Variants in CAST observed in about 807,000 individuals in gnomAD.
CAST encodes the protein MIR583 host.
Under a neutral mutation model 119.6 loss-of-function variants are expected in CAST, and 76 were observed. The observed-to-expected ratio is 0.64, with a 90% CI of 0.53 to 0.77. The LOEUF (loss-of-function observed/expected upper bound fraction) is 0.77. Among genes scored for constraint, CAST ranks in the 30% least tolerant of loss-of-function variants. The pLI is 0.00. For synonymous variants in CAST, 319 were observed against 331.6 expected, an observed-to-expected ratio of 0.96 and a Z score of 0.41; for missense variants, 953 against 946.5, an observed-to-expected ratio of 1.01 and a Z score of -0.09.
At chr5:96,712,478 G>T (rs1756367607) in intron 3 of CAST, among the ~76,000 whole-genome samples, 1 of 152,154 alleles carries the variant, frequency 6.6e-6, no homozygotes, top group African/African-American at 2.4e-5. Flanking sequence ...CCACAGGTGT[G>T]TGCTACCATA....
intron 1 of CAST, among the ~76,000 whole-genome samples, chr5:96,673,401 GAGC>G (rs1269394674): frequency 2.0e-5 from 3 of 152,208 alleles, no homozygotes; most frequent in Non-Finnish European, 4.4e-5. Flanking sequence ...CCAGCAGCAT[GAGC>G]AGCAAGCTTT....
At chr5:96,092,918 A>T in the CAST span, among the ~76,000 whole-genome samples, 1 of 152,202 alleles carries the variant, frequency 6.6e-6, no homozygotes, top group Non-Finnish European at 1.5e-5. Flanking sequence ...TTAGCGGCAG[A>T]GTGGGGCCTA....
chr5:96,355,908 G>A, the CAST span, among the ~76,000 whole-genome samples: 1 of 151,974 alleles, frequency 6.6e-6, no homozygotes, highest in African/African-American at 2.4e-5. Context: ...CACCATTTTG[G>A]CCAGGATGTT....
the CAST span, among the ~76,000 whole-genome samples, chr5:96,300,676 A>G: frequency 3.9e-5 from 6 of 152,102 alleles, no homozygotes; most frequent in African/African-American, 1.4e-4. Flanking sequence ...ATCCATAGAT[A>G]ACTTTGGATA....
the CAST span, among the ~76,000 whole-genome samples, chr5:95,993,282 T>C: frequency 2.6e-5 from 4 of 152,222 alleles, no homozygotes; most frequent in Non-Finnish European, 4.4e-5. Context: ...GGATTGTAAA[T>C]TTAAATGTAA....
At chr5:96,308,350 C>T in the CAST span, among the ~76,000 whole-genome samples, 8 of 151,956 alleles carry the variant, frequency 5.3e-5, no homozygotes, top group African/African-American at 1.9e-4. Flanking sequence ...GTTAGCAATA[C>T]ATCTAACCTT....
At chr5:96,465,702 G>A in the CAST span, among the ~76,000 whole-genome samples, 1 of 152,086 alleles carries the variant, frequency 6.6e-6, no homozygotes, top group Non-Finnish European at 1.5e-5. Context: ...TAGGTGTTTA[G>A]AGATATTCTT....
the CAST span, among the ~76,000 whole-genome samples, chr5:96,011,510 A>C: frequency 2.0e-5 from 3 of 152,176 alleles, no homozygotes; most frequent in Non-Finnish European, 4.4e-5. Context: ...TTATTAGCTC[A>C]ATCACAATTA....
chr5:96,488,721 T>C, the CAST span, among the ~76,000 whole-genome samples: 1 of 152,218 alleles, frequency 6.6e-6, no homozygotes, highest in Non-Finnish European at 1.5e-5. Context: ...GTGGTAATCA[T>C]TGTCTTTGAG....
the CAST span, chr5:96,433,215 C>A: frequency 4.5e-6 from 3 of 668,624 alleles, no homozygotes; most frequent in Admixed American, 2.2e-5. Context: ...CGGCGGCGAG[C>A]GCTCAGTGAA....
At chr5:96,182,783 T>A in the CAST span, among the ~76,000 whole-genome samples, 27 of 152,356 alleles carry the variant, frequency 1.8e-4, no homozygotes, top group East Asian at 4.2e-3. Context: ...CTAATTTTTT[T>A]ATTTTTTACT....
At chr5:96,472,265 A>C in the CAST span, among the ~76,000 whole-genome samples, 1 of 152,144 alleles carries the variant, frequency 6.6e-6, no homozygotes, top group Non-Finnish European at 1.5e-5. Context: ...CTATGACTAG[A>C]TTTAATCTGG....
the CAST span, among the ~76,000 whole-genome samples, chr5:96,255,073 C>A: frequency 6.6e-6 from 1 of 152,064 alleles, no homozygotes; most frequent in Admixed American, 6.6e-5. Flanking sequence ...AATTTATTTT[C>A]CTACCATAAG....
At chr5:96,429,134 T>A in the CAST span, 2 of 779,376 alleles carry the variant, frequency 2.6e-6, no homozygotes, top group Non-Finnish European at 2.2e-6. Context: ...ATTTGCAAAA[T>A]GCTTCTGTTT....
the CAST span, among the ~76,000 whole-genome samples, chr5:96,246,312 A>G: frequency 6.6e-6 from 1 of 151,000 alleles, no homozygotes; most frequent in Non-Finnish European, 1.5e-5. Flanking sequence ...CCTCCCGAGT[A>G]GCTGGGACTA....
intron 1 of CAST, among the ~76,000 whole-genome samples, chr5:96,633,062 C>T (rs1205400313): frequency 6.6e-6 from 1 of 152,138 alleles, no homozygotes; most frequent in Admixed American, 6.5e-5. Flanking sequence ...ACTTCTGCCA[C>T]CTGGGTTCAA....
the CAST span, among the ~76,000 whole-genome samples, chr5:96,361,766 G>GTATC: frequency 2.3e-5 from 2 of 88,716 alleles, no homozygotes; most frequent in African/African-American, 9.0e-5. Flanking sequence ...TGACAGGAGC[G>GTATC]ATTTGTCTTC....
chr5:96,532,564 A>G (rs1745708634), intron 1 of CAST, among the ~76,000 whole-genome samples: 1 of 152,126 alleles, frequency 6.6e-6, no homozygotes, highest in Non-Finnish European at 1.5e-5. Flanking sequence ...AAAATTTAAA[A>G]ATTGGCCAGG....
chr5:96,381,998 A>G, the CAST span, among the ~76,000 whole-genome samples: 1 of 152,216 alleles, frequency 6.6e-6, no homozygotes, highest in East Asian at 1.9e-4. Context: ...ATACAGCCTG[A>G]CATAGTTAAG....
Sources: gnomAD v4.1 joint callset for allele counts (sites outside exome capture counted in the v4.1 genomes callset) on GRCh38, gnomAD v4.1.1 for gene constraint, MANE v1.5 for transcripts, NCBI Gene and HGNC (gene_info 2026-07-23, HGNC 2026-07-21) for gene names.